SMYD3: variants seen among roughly 807,000 people sequenced by gnomAD.
SMYD3 encodes SET and MYND domain containing 3.
A neutral mutation model predicts 57.7 loss-of-function variants in SMYD3; 36 were observed. The ratio of observed to expected loss-of-function variants is 0.62; its 90% CI spans 0.48 to 0.82. The LOEUF is 0.82. Ranked by LOEUF, SMYD3 falls within the 40% of genes least tolerant of loss-of-function variation. The pLI is 0.00. For missense variants in SMYD3, 515 were observed against 538.8 expected, an observed-to-expected ratio of 0.96 and a Z score of 0.44; for synonymous variants, 211 against 195.0, an observed-to-expected ratio of 1.08 and a Z score of -0.68.
intron 1 of SMYD3, among the ~76,000 whole-genome samples, chr1:246,481,106 A>G (rs1311771811): frequency 3.3e-5 from 5 of 152,256 alleles, no homozygotes; most frequent in Admixed American, 2.6e-4. Flanking sequence ...AGATCTCTTT[A>G]GATCTCAAGT....
intron 10 of SMYD3, among the ~76,000 whole-genome samples, chr1:245,834,993 G>A (rs968391605): frequency 1.3e-5 from 2 of 152,056 alleles, no homozygotes; most frequent in Non-Finnish European, 2.9e-5. Flanking sequence ...AGATACATAA[G>A]GGCAACTATT....
intron 1 of SMYD3, among the ~76,000 whole-genome samples, chr1:246,415,309 G>T (rs1165021640): frequency 6.6e-6 from 1 of 152,202 alleles, no homozygotes. Flanking sequence ...GATGCAAAGG[G>T]AAAGGCAAGT....
intron 2 of SMYD3, among the ~76,000 whole-genome samples, chr1:246,348,058 CGTT>C (rs2065751808): frequency 3.6e-4 from 3 of 8,314 alleles, no homozygotes; most frequent in Admixed American, 2.4e-3. Flanking sequence ...ATAAAGAAAA[CGTT>C]ATATATATAT....
intron 1 of SMYD3, among the ~76,000 whole-genome samples, chr1:246,419,372 C>T (rs2067108249): frequency 1.3e-5 from 2 of 152,206 alleles, no homozygotes; most frequent in Admixed American, 6.5e-5. Flanking sequence ...TCCACGTCCT[C>T]CCGATGTCCG....
chr1:246,297,697 A>AG (rs1339478085), intron 5 of SMYD3, among the ~76,000 whole-genome samples: 1 of 152,186 alleles, frequency 6.6e-6, no homozygotes, highest in African/African-American at 2.4e-5. Context: ...ATATTCAATT[A>AG]TTCTGATGTA....
At chr1:245,896,795 G>C (rs1382684394) in intron 8 of SMYD3, among the ~76,000 whole-genome samples, 1 of 152,114 alleles carries the variant, frequency 6.6e-6, no homozygotes, top group African/African-American at 2.4e-5. Flanking sequence ...CAGCATCACC[G>C]GGGCGCAAGA....
chr1:245,788,437 T>C (rs2791382), intron 10 of SMYD3, among the ~76,000 whole-genome samples: 11,464 of 152,268 alleles, frequency 0.075, 1,003 homozygotes, highest in African/African-American at 0.22. Context: ...CAGATGTTAT[T>C]CCTGGCTCAT....
chr1:245,791,954 G>GTGTGTGTT (rs1313120599), intron 10 of SMYD3, among the ~76,000 whole-genome samples: 1 of 134,364 alleles, frequency 7.4e-6, no homozygotes. Flanking sequence ...TTTTAAACTT[G>GTGTGTGTT]TGTGTGTGTG....
intron 5 of SMYD3, among the ~76,000 whole-genome samples, chr1:246,288,913 A>G (rs2064629484): frequency 6.6e-6 from 1 of 152,152 alleles, no homozygotes. Flanking sequence ...CAGGAACTTG[A>G]GACCAGCTTG....
At chr1:246,379,069 C>A (rs1268707935) in intron 1 of SMYD3, among the ~76,000 whole-genome samples, 1 of 93,344 alleles carries the variant, frequency 1.1e-5, no homozygotes, top group African/African-American at 3.7e-5. Context: ...TATATACTTA[C>A]ACACACATAC....
In SMYD3 at chr1:245,833,073, A is replaced by AAACAAC. The variant is rs1553337079; in HGVS notation, c.1076+25422_1076+25423insGTTGTT. ...GGAATATGTGACAAAAAAAAAAAAAAAACCTGCTTTTATAATGCTGATTCA... is the reference window on the plus strand; with the variant it reads ...GGAATATGTGACAAAAAAAAAAAAAAAACAACAACCTGCTTTTATAATGCTGATTCA... On this transcript the variant is annotated intron_variant, in intron 10 of 11. Transcript: ENST00000490107. 1.2e-4 allele frequency among the ~76,000 whole-genome samples: 16 copies of AAACAAC among 128,666 alleles called. 2 individuals are homozygous for AAACAAC. The highest frequency in any genetic ancestry group is 4.5e-4 in the African/African-American group (15 of 33,654). 84.4% of individuals were successfully genotyped at this position (128,666 alleles called of 152,430 possible).
At chr1:245,821,225 T>A (rs867288388) in intron 10 of SMYD3, among the ~76,000 whole-genome samples, 1 of 149,408 alleles carries the variant, frequency 6.7e-6, no homozygotes, top group African/African-American at 2.4e-5. Flanking sequence ...CAGAACAGAG[T>A]CCTCAGAAAT....
At chr1:246,491,508 C>T (rs1004666298) in intron 1 of SMYD3, among the ~76,000 whole-genome samples, 2 of 151,066 alleles carry the variant, frequency 1.3e-5, no homozygotes, top group African/African-American at 4.9e-5. Context: ...CCATTGCACT[C>T]CAGCCTCGGC....
chr1:246,248,413 A>G (rs1780796), intron 5 of SMYD3, among the ~76,000 whole-genome samples: 9,006 of 152,154 alleles, frequency 0.059, 435 homozygotes, highest in African/African-American at 0.12. Flanking sequence ...TAAACTTGAA[A>G]TGTCTCCCAA....
chr1:245,837,891 G>A (rs1027981341), intron 10 of SMYD3, among the ~76,000 whole-genome samples: 3 of 152,198 alleles, frequency 2.0e-5, no homozygotes, highest in African/African-American at 7.2e-5. Flanking sequence ...AGCATGGAGG[G>A]TAAAGTTAAT....
chr1:245,899,663 G>A (rs1330499063), intron 8 of SMYD3, among the ~76,000 whole-genome samples: 4 of 152,170 alleles, frequency 2.6e-5, no homozygotes, highest in African/African-American at 9.7e-5. Context: ...GTGGGCCACA[G>A]GGTGCCCAGA....
intron 1 of SMYD3, among the ~76,000 whole-genome samples, chr1:246,454,914 T>C (rs1341721265): frequency 6.6e-6 from 1 of 152,186 alleles, no homozygotes; most frequent in Non-Finnish European, 1.5e-5. Context: ...TTTATAGTAC[T>C]GTAATAAAAG....
At chr1:245,810,452 G>T (rs1305614946) in intron 10 of SMYD3, among the ~76,000 whole-genome samples, 1 of 152,154 alleles carries the variant, frequency 6.6e-6, no homozygotes, top group Non-Finnish European at 1.5e-5. Context: ...TTGTACAGAT[G>T]GCATTGGTAC....
At chr1:245,964,851 T>A (rs1274851328) in intron 5 of SMYD3, among the ~76,000 whole-genome samples, 2 of 147,628 alleles carry the variant, frequency 1.4e-5, no homozygotes, top group Non-Finnish European at 3.0e-5. Flanking sequence ...AGATGTAACA[T>A]ACATATAATG....
Sources: allele counts gnomAD v4.1 joint callset (sites outside exome capture counted in the v4.1 genomes callset), GRCh38; gene constraint gnomAD v4.1.1; transcripts MANE v1.5; gene names NCBI Gene and HGNC (gene_info 2026-07-23, HGNC 2026-07-21).